Variants in TENM1 observed in about 807,000 individuals in gnomAD.
The protein encoded by TENM1 is teneurin transmembrane protein 1, also known as teneurin-1.
TENM1 carries 35 observed loss-of-function variants against 174.8 expected under a neutral mutation model. The ratio of observed to expected loss-of-function variants is 0.20; its 90% CI spans 0.15 to 0.27. The LOEUF (loss-of-function observed/expected upper bound fraction) is 0.27. Ranked by LOEUF, TENM1 falls within the 10% of genes least tolerant of loss-of-function variation. TENM1 has a pLI of 1.00. For synonymous variants in TENM1, 781 were observed against 798.7 expected (o/e 0.98, Z 0.37); for missense variants, 1,633 against 2,130.1 (o/e 0.77, Z 4.59).
At chrX:124,642,106 G>T in intron 10 of TENM1, 115 bp from the exon 14 acceptor site, 2 of 563,049 alleles carry the variant, frequency 3.6e-6, no homozygotes, top group Non-Finnish European at 6.1e-6. Context: ...TATCATCAAT[G>T]CTGCTTTAAT....
the TENM1 span, among the ~76,000 whole-genome samples, chrX:124,980,142 T>G: frequency 1.8e-5 from 2 of 111,180 alleles, no homozygotes; most frequent in Admixed American, 9.7e-5. Context: ...GATGCCAAGA[T>G]GGAAGGATCG....
chrX:125,082,883 G>A, the TENM1 span, among the ~76,000 whole-genome samples: 1 of 110,598 alleles, frequency 9.0e-6, no homozygotes, highest in Admixed American at 9.6e-5. Flanking sequence ...ATCATATCAG[G>A]GTAAATGGAG....
chrX:124,876,529 T>C (rs897638749), intron 3 of TENM1, among the ~76,000 whole-genome samples: 4 of 111,594 alleles, frequency 3.6e-5, no homozygotes, highest in African/African-American at 1.3e-4. Context: ...AACTTTTAGA[T>C]ATCAATTTTT....
At chrX:124,590,556 C>A (rs995203873) in intron 11 of TENM1, among the ~76,000 whole-genome samples, 2 of 111,405 alleles carry the variant, frequency 1.8e-5, no homozygotes, top group African/African-American at 6.5e-5. Flanking sequence ...CCATACTGCC[C>A]AAGGTAATTT....
At chrX:124,950,950 C>T (rs2058473886) in intron 1 of TENM1, among the ~76,000 whole-genome samples, 1 of 111,891 alleles carries the variant, frequency 8.9e-6, no homozygotes, top group Admixed American at 9.5e-5. Flanking sequence ...TTTCTCAAGA[C>T]ACTCTTGTTG....
At chrX:124,400,792 T>C (rs1385949185) in intron 27 of TENM1, among the ~76,000 whole-genome samples, 1 of 112,161 alleles carries the variant, frequency 8.9e-6, no homozygotes, top group African/African-American at 3.2e-5. Flanking sequence ...CAATTCTTTT[T>C]ACAATTGCCT....
intron 3 of TENM1, among the ~76,000 whole-genome samples, chrX:124,738,710 CTT>C (rs949947000): frequency 1.6e-4 from 18 of 112,210 alleles, no homozygotes; most frequent in African/African-American, 5.8e-4. Context: ...ATCTCATTAA[CTT>C]TTTTTAAACC....
intron 17 of TENM1, among the ~76,000 whole-genome samples, chrX:124,521,730 T>C (rs1016423705): frequency 6.2e-5 from 7 of 112,277 alleles, no homozygotes; most frequent in African/African-American, 2.3e-4. Context: ...ATTTTCATGC[T>C]CTTATTCATT....
intron 5 of TENM1, among the ~76,000 whole-genome samples, chrX:124,678,247 G>A (rs187806370): frequency 1.8e-4 from 20 of 111,226 alleles, no homozygotes; most frequent in Non-Finnish European, 1.5e-4. Context: ...TGTATGTACT[G>A]AAATGAAACA....
chrX:124,805,993 C>T (rs375525879), intron 3 of TENM1, among the ~76,000 whole-genome samples: 1 of 110,251 alleles, frequency 9.1e-6, no homozygotes. Flanking sequence ...CAGAGATATA[C>T]AAACTACCTG....
intron 23 of TENM1, among the ~76,000 whole-genome samples, chrX:124,451,354 T>G (rs776320451): frequency 1.6e-3 from 174 of 111,408 alleles, no homozygotes; most frequent in Non-Finnish European, 2.0e-3. Context: ...TTGCTTTTAC[T>G]TAAGAAAACT....
At chrX:124,427,392 T>C (rs1212813358) in intron 23 of TENM1, among the ~76,000 whole-genome samples, 1 of 112,511 alleles carries the variant, frequency 8.9e-6, no homozygotes, top group East Asian at 2.8e-4. Context: ...TAATTTTGCC[T>C]CAAAAATACA....
chrX:124,973,108 A>T, the TENM1 span, among the ~76,000 whole-genome samples: 1 of 111,934 alleles, frequency 8.9e-6, no homozygotes, highest in African/African-American at 3.2e-5. Context: ...GTCCAGTTTC[A>T]GTTTTCTGCC....
chrX:124,716,531 T>C (rs1426952975), intron 4 of TENM1, among the ~76,000 whole-genome samples: 2 of 111,728 alleles, frequency 1.8e-5, no homozygotes, highest in East Asian at 5.6e-4. Flanking sequence ...TAGGCATGAG[T>C]GGGGCAGGAG....
chrX:125,124,726 A>G, the TENM1 span, among the ~76,000 whole-genome samples: 3 of 112,579 alleles, frequency 2.7e-5, no homozygotes, highest in East Asian at 2.8e-4. Context: ...CCAAACTTAA[A>G]GTGTGTAAGA....
At chrX:124,665,954 C>T (rs1170810593) in intron 6 of TENM1, among the ~76,000 whole-genome samples, 1 of 111,901 alleles carries the variant, frequency 8.9e-6, no homozygotes, top group Non-Finnish European at 1.9e-5. Flanking sequence ...CGGTTGAAAG[C>T]CAACTCCCTT....
chrX:124,453,204 A>G (rs2061063937), intron 23 of TENM1, 133 bp downstream of exon 26: 1 of 641,603 alleles, frequency 1.6e-6, no homozygotes, highest in East Asian at 3.4e-5. Context: ...ACTTACATAA[A>G]GAGAAACTTC....
rs1039709393 is a variant in TENM1 at position 124,408,630 on chromosome X, A to ATTTC, written c.4983-2145_4983-2142dup. Among the ~76,000 whole-genome samples, 19 of 106,581 alleles carry ATTTC rather than the reference A, an allele frequency of 1.8e-4. 1 individual carries two copies. The highest frequency in any genetic ancestry group is 1.5e-3 in the East Asian group (5 of 3,243). The allele number at this position is 106,581 out of a possible 115,157, so 92.6% of individuals were successfully genotyped here. On this transcript the variant is annotated intron_variant, in intron 25 of 31. Coordinates refer to ENST00000422452, the Ensembl canonical transcript of TENM1. Reference sequence around the variant, plus strand: ...TTGCCTCATTGGTTTCCCTTTCCTGATTTCTTTCTTTCTTTCTTTCTTTTT... The same window carrying ATTTC: ...TTGCCTCATTGGTTTCCCTTTCCTGATTTCTTTCTTTCTTTCTTTCTTTCTTTTT...
intron 19 of TENM1, among the ~76,000 whole-genome samples, chrX:124,501,048 C>A (rs1390987156): frequency 9.0e-6 from 1 of 111,125 alleles, no homozygotes; most frequent in Non-Finnish European, 1.9e-5. Flanking sequence ...TGACAATACC[C>A]ACTTAGTGCC....
Sources: allele counts gnomAD v4.1 joint callset (sites outside exome capture counted in the v4.1 genomes callset), GRCh38; gene constraint gnomAD v4.1.1; transcripts MANE v1.5; gene names NCBI Gene and HGNC (gene_info 2026-07-23, HGNC 2026-07-21).